PCDHA5: variants seen among roughly 807,000 people sequenced by gnomAD.
PCDHA5 encodes the protein protocadherin alpha 5, also known as protocadherin alpha-5.
PCDHA5 carries 43 observed loss-of-function variants against 61.6 expected under a neutral mutation model. The ratio of observed to expected loss-of-function variants is 0.70; its 90% confidence interval spans 0.55 to 0.90. The LOEUF is 0.90. Among genes scored for constraint, PCDHA5 ranks in the 40% least tolerant of loss-of-function variants. The pLI is 0.00. For synonymous variants in PCDHA5, 627 were observed against 543.9 expected (o/e 1.15, Z -2.13); for missense variants, 1,298 against 1,222.7 (o/e 1.06, Z -0.92).
At chr5:140,870,914 C>A (rs369740429) in intron 1 of PCDHA5, 10 of 1,613,828 alleles carry the variant, frequency 6.2e-6, no homozygotes, top group African/African-American at 1.3e-5. Context: ...GGCTACAACG[C>A]GTGGCTTTCA....
chr5:140,889,400 A>T (rs187751360), intron 1 of PCDHA5, among the ~76,000 whole-genome samples: 1 of 152,050 alleles, frequency 6.6e-6, no homozygotes, highest in Admixed American at 6.5e-5. Context: ...AGTTTAATTT[A>T]CTCGAGTCAG....
At position 140,979,015 on chromosome 5, in the gene PCDHA5, T is replaced by C. The variant is rs782169362; in HGVS notation, c.2411+8T>C. ...GAGAGCAGGCATGCACAGGTATGTATTTCCCTCCTCATTCACTCAGAAGTA... is the reference window on the plus strand; with the variant it reads ...GAGAGCAGGCATGCACAGGTATGTACTTCCCTCCTCATTCACTCAGAAGTA... On this transcript the variant is annotated splice_region_variant and intron_variant, in intron 2 of 3. Coordinates refer to ENST00000529859, the MANE Select transcript of PCDHA5 (RefSeq NM_018908.3). 1 of 1,613,802 alleles carries C rather than the reference T, an allele frequency of 6.2e-7. No individual in the cohort carries two copies. Among genetic ancestry groups the C allele is most frequent in the Non-Finnish European group, 8.5e-7 (1 of 1,179,916 alleles).
intron 3 of PCDHA5, among the ~76,000 whole-genome samples, chr5:141,005,068 A>C (rs1314916800): frequency 6.6e-6 from 1 of 152,256 alleles, no homozygotes. Flanking sequence ...GCATTGTGCT[A>C]AGGATCAAGC....
chr5:140,884,305 G>A (rs1223534357), intron 1 of PCDHA5: 2 of 1,613,602 alleles, frequency 1.2e-6, no homozygotes, highest in Non-Finnish European at 1.7e-6. Context: ...CACAGGCTTC[G>A]TCGAGGGCGT....
intron 1 of PCDHA5, chr5:140,861,573 G>T: frequency 2.7e-6 from 1 of 368,992 alleles, no homozygotes. Context: ...GCTGCTACAG[G>T]TTTTCCATGT....
chr5:140,961,510 T>C (rs1201672141), intron 1 of PCDHA5, among the ~76,000 whole-genome samples: 1 of 152,246 alleles, frequency 6.6e-6, no homozygotes, highest in Non-Finnish European at 1.5e-5. Context: ...CTTTGTTTAA[T>C]GTCTCCACAA....
chr5:140,970,193 G>C (rs1243334467), intron 1 of PCDHA5, among the ~76,000 whole-genome samples: 2 of 152,166 alleles, frequency 1.3e-5, no homozygotes, highest in African/African-American at 4.8e-5. Context: ...ATTGTAAGAG[G>C]ATTTCCCTGA....
chr5:140,966,826 GC>G, intron 1 of PCDHA5: 1 of 1,560,690 alleles, frequency 6.4e-7, no homozygotes, highest in Non-Finnish European at 8.6e-7. Flanking sequence ...GGCGGCCCAT[GC>G]CCTGGCTGCT....
chr5:140,876,079 G>C, intron 1 of PCDHA5: 1 of 1,613,940 alleles, frequency 6.2e-7, no homozygotes, highest in Non-Finnish European at 8.5e-7. Flanking sequence ...ATTGGACAGA[G>C]AGCAAACGCC....
chr5:140,870,555 G>A (rs1554164406), intron 1 of PCDHA5: 1 of 1,613,926 alleles, frequency 6.2e-7, no homozygotes, highest in Non-Finnish European at 8.5e-7. Context: ...CGGACGCGCA[G>A]GAGAACGCGC....
chr5:140,836,955 A>G (rs1227773080), intron 1 of PCDHA5: 1 of 420,702 alleles, frequency 2.4e-6, no homozygotes, highest in Non-Finnish European at 4.1e-6. Flanking sequence ...TCTATGGTTT[A>G]TGTTGGCTAC....
chr5:140,963,177 T>A (rs1002604435), intron 1 of PCDHA5, among the ~76,000 whole-genome samples: 1 of 152,194 alleles, frequency 6.6e-6, no homozygotes, highest in East Asian at 1.9e-4. Flanking sequence ...CTTACAGATA[T>A]GCTGTAGACT....
chr5:140,862,777 C>T, intron 1 of PCDHA5: 1 of 577,324 alleles, frequency 1.7e-6, no homozygotes, highest in Non-Finnish European at 3.3e-6. Context: ...CGCGTTGCAG[C>T]CACTGGACTA....
At chr5:140,843,025 T>G in intron 1 of PCDHA5, 1 of 1,595,056 alleles carries the variant, frequency 6.3e-7, no homozygotes. Context: ...TGCTGGAGCC[T>G]CGGGTGGGTG....
At chr5:140,843,527 A>C (rs2150362053) in intron 1 of PCDHA5, 2 of 1,595,944 alleles carry the variant, frequency 1.3e-6, no homozygotes, top group Non-Finnish European at 1.7e-6. Context: ...CCGGGCGGGC[A>C]AGCCCACTCT....
Position 140,882,245 on chromosome 5 carries a change from G to C in PCDHA5, c.2352+58118G>C, listed in dbSNP as rs376978051. Reference sequence around the variant, plus strand: ...TAAGGCGTTGTATATATTGCAGATAGCTCTGAGGTTTTTGGAGTGTACCAT... The same window carrying C: ...TAAGGCGTTGTATATATTGCAGATACCTCTGAGGTTTTTGGAGTGTACCAT... On this transcript the variant is annotated intron_variant, in intron 1 of 3. Coordinates refer to ENST00000529859, the MANE Select transcript of PCDHA5 (RefSeq NM_018908.3). 82 of 1,592,614 alleles carry C rather than the reference G, an allele frequency of 5.1e-5. No homozygotes were observed. In the African/African-American group the frequency reaches 9.3e-4, roughly 18 times the overall value.
At chr5:140,824,328 TA>T in intron 1 of PCDHA5, 1 of 658,016 alleles carries the variant, frequency 1.5e-6, no homozygotes, top group Non-Finnish European at 2.6e-6. Flanking sequence ...CTTTCTGTGA[TA>T]TTAAGTGTTT....
intron 1 of PCDHA5, among the ~76,000 whole-genome samples, chr5:140,971,158 C>T (rs1554233066): frequency 6.6e-6 from 1 of 152,172 alleles, no homozygotes; most frequent in African/African-American, 2.4e-5. Context: ...AGGCCAGGCT[C>T]AGCTTTGCCA....
chr5:140,980,432 C>A (rs1228010505), intron 2 of PCDHA5, among the ~76,000 whole-genome samples: 1 of 152,118 alleles, frequency 6.6e-6, no homozygotes, highest in East Asian at 1.9e-4. Context: ...GAGATCGAGA[C>A]CATCCTGGAC....
Sources: allele counts gnomAD v4.1 joint callset (sites outside exome capture counted in the v4.1 genomes callset), GRCh38; gene constraint gnomAD v4.1.1; transcripts MANE v1.5; gene names NCBI Gene and HGNC (gene_info 2026-07-23, HGNC 2026-07-21).